Variants in SLC24A2 observed in about 807,000 individuals in gnomAD.
SLC24A2 encodes sodium/potassium/calcium exchanger 2.
A neutral mutation model predicts 62.0 loss-of-function variants in SLC24A2; 36 were observed. That is an observed-to-expected ratio of 0.58 (90% CI 0.44 to 0.77). The LOEUF (loss-of-function observed/expected upper bound fraction) is 0.77, where lower values mean the gene tolerates loss of function less well. Among genes scored for constraint, SLC24A2 ranks in the 30% least tolerant of loss-of-function variants. SLC24A2 has a pLI of 0.00. For synonymous variants in SLC24A2, 358 were observed against 294.0 expected, an observed-to-expected ratio of 1.22 and a Z score of -2.23; for missense variants, 846 against 817.9, an observed-to-expected ratio of 1.03 and a Z score of -0.42.
At chr9:19,700,596 G>A (rs1053393400) in intron 2 of SLC24A2, among the ~76,000 whole-genome samples, 5 of 152,138 alleles carry the variant, frequency 3.3e-5, no homozygotes, top group African/African-American at 1.2e-4. Context: ...GTTTTCCACA[G>A]AAAGCTCTGA....
At chr9:19,832,429 G>A in the SLC24A2 span, among the ~76,000 whole-genome samples, 2 of 152,170 alleles carry the variant, frequency 1.3e-5, no homozygotes, top group African/African-American at 2.4e-5. Flanking sequence ...GATCAACCAA[G>A]TCATGTTGTG....
At chr9:19,867,127 A>G in the SLC24A2 span, among the ~76,000 whole-genome samples, 1 of 152,200 alleles carries the variant, frequency 6.6e-6, no homozygotes, top group South Asian at 2.1e-4. Context: ...TCCATCTTTC[A>G]TTATGTGACT....
chr9:20,125,460 C>T, the SLC24A2 span, among the ~76,000 whole-genome samples: 32,697 of 152,090 alleles, frequency 0.21, 3,983 homozygotes, highest in East Asian at 0.58. Flanking sequence ...TCAGTAAATA[C>T]ACTCAACACA....
chr9:20,050,055 G>T, the SLC24A2 span, among the ~76,000 whole-genome samples: 18 of 152,040 alleles, frequency 1.2e-4, no homozygotes, highest in Non-Finnish European at 1.9e-4. Flanking sequence ...GCAGGAAAAT[G>T]GTATGAAATA....
At chr9:20,270,543 C>T in the SLC24A2 span, among the ~76,000 whole-genome samples, 2 of 152,176 alleles carry the variant, frequency 1.3e-5, no homozygotes, top group South Asian at 4.1e-4. Context: ...TTCTTGGTTG[C>T]CTTCTCCCTG....
At chr9:20,129,928 TACACACACACAC>T in the SLC24A2 span, among the ~76,000 whole-genome samples, 24 of 141,908 alleles carry the variant, frequency 1.7e-4, no homozygotes, top group East Asian at 4.0e-4. Context: ...TATAATTTAC[TACACACACACAC>T]ACACACACAC....
At chr9:20,020,217 C>G in the SLC24A2 span, among the ~76,000 whole-genome samples, 2 of 152,214 alleles carry the variant, frequency 1.3e-5, no homozygotes, top group Admixed American at 1.3e-4. Context: ...CATCCAATTA[C>G]TGGGTATATA....
the SLC24A2 span, among the ~76,000 whole-genome samples, chr9:20,306,432 T>A: frequency 6.6e-6 from 1 of 152,240 alleles, no homozygotes; most frequent in East Asian, 1.9e-4. Context: ...CTGTCTTGCT[T>A]AATTTTTTCC....
intron 2 of SLC24A2, among the ~76,000 whole-genome samples, chr9:19,635,712 G>A (rs1818293870): frequency 6.6e-6 from 1 of 152,142 alleles, no homozygotes; most frequent in African/African-American, 2.4e-5. Context: ...AATAGCCAGA[G>A]TTCCACCATT....
the SLC24A2 span, among the ~76,000 whole-genome samples, chr9:20,176,959 C>T: frequency 1.3e-5 from 2 of 151,882 alleles, no homozygotes; most frequent in Non-Finnish European, 2.9e-5. Flanking sequence ...TCCATTGTTC[C>T]TTATATGTTT....
At chr9:19,744,572 C>T (rs1776262294) in intron 2 of SLC24A2, among the ~76,000 whole-genome samples, 1 of 152,114 alleles carries the variant, frequency 6.6e-6, no homozygotes, top group South Asian at 2.1e-4. Context: ...CTACTTGGCT[C>T]CAACTGATGT....
At chr9:19,754,639 T>C (rs890387349) in intron 2 of SLC24A2, among the ~76,000 whole-genome samples, 4 of 144,402 alleles carry the variant, frequency 2.8e-5, no homozygotes, top group African/African-American at 7.6e-5. Context: ...CTGGAAATCA[T>C]GGGAGGATTT....
At chr9:19,562,922 C>T (rs1219601396) in intron 7 of SLC24A2, among the ~76,000 whole-genome samples, 3 of 152,074 alleles carry the variant, frequency 2.0e-5, no homozygotes, top group African/African-American at 7.2e-5. Flanking sequence ...CTGGGAAACA[C>T]AGCAAGAACT....
the SLC24A2 span, among the ~76,000 whole-genome samples, chr9:19,897,952 G>T: frequency 6.6e-6 from 1 of 152,136 alleles, no homozygotes; most frequent in Non-Finnish European, 1.5e-5. Context: ...TTTGCTGATT[G>T]TATCAGCCAC....
At chr9:20,073,425 T>A in the SLC24A2 span, among the ~76,000 whole-genome samples, 1 of 152,098 alleles carries the variant, frequency 6.6e-6, no homozygotes. Context: ...CTTCAAAATC[T>A]TTTCACCTTT....
chr9:19,711,855 A>C (rs190513123), intron 2 of SLC24A2, among the ~76,000 whole-genome samples: 8 of 152,316 alleles, frequency 5.3e-5, no homozygotes, highest in Admixed American at 3.3e-4. Context: ...GTGAGGAGAA[A>C]TGATACAAAC....
At chr9:20,026,002 G>A in the SLC24A2 span, among the ~76,000 whole-genome samples, 1 of 152,148 alleles carries the variant, frequency 6.6e-6, no homozygotes, top group South Asian at 2.1e-4. Flanking sequence ...TTGATTAAAA[G>A]CTTGTTCTCT....
chr9:20,239,073 T>G, the SLC24A2 span, among the ~76,000 whole-genome samples: 1 of 152,206 alleles, frequency 6.6e-6, no homozygotes. Context: ...TAAATTTCTC[T>G]TCTTTAAGCC....
Position 19,788,933 on chromosome 9 carries a change from C to T in SLC24A2, c.-202G>A. 1 of 985,174 alleles carries T rather than the reference C, an allele frequency of 1.0e-6. No homozygotes were observed. Among genetic ancestry groups the T allele is most frequent in the Non-Finnish European group, 1.2e-6 (1 of 829,708 alleles). 61.0% of individuals were successfully genotyped at this position (985,174 alleles called of 1,614,324 possible). A position where few individuals can be genotyped will look rare whatever the true frequency, so the allele number is the denominator to read the frequency against. On this transcript the variant is annotated 5_prime_UTR_variant, in exon 1 of 11. Coordinates refer to ENST00000341998, the MANE Select transcript of SLC24A2 (RefSeq NM_020344.4). ...ACACGGCGGGGCCCCCGAGCGCGGC[C>T]CGCCGCTCCAGTCCGCCGGCCCTCC...
Sources: allele counts gnomAD v4.1 joint callset (sites outside exome capture counted in the v4.1 genomes callset), GRCh38; gene constraint gnomAD v4.1.1; transcripts MANE v1.5; gene names NCBI Gene and HGNC (gene_info 2026-07-23, HGNC 2026-07-21).